Variants in DPP10 observed in about 807,000 individuals in gnomAD.
The protein encoded by DPP10 is dipeptidyl peptidase like 10.
In DPP10, 33 loss-of-function variants were observed where a neutral mutation model predicts 120.9. That is an observed-to-expected ratio of 0.27 (90% CI 0.21 to 0.37). The LOEUF (loss-of-function observed/expected upper bound fraction) is 0.37, where lower values mean the gene tolerates loss of function less well. DPP10 is among the 10% of genes least tolerant of loss of function. The pLI is 1.00. For synonymous variants in DPP10, 337 were observed against 326.1 expected, an observed-to-expected ratio of 1.03 and a Z score of -0.36; for missense variants, 816 against 942.8, an observed-to-expected ratio of 0.87 and a Z score of 1.76.
chr2:115,806,916 G>T (rs1194352037), intron 19 of DPP10, among the ~76,000 whole-genome samples: 1 of 152,006 alleles, frequency 6.6e-6, no homozygotes. Flanking sequence ...CTGCTGCATA[G>T]GAGAGTCACA....
At chr2:114,467,083 A>G (rs1679458202) in intron 1 of DPP10, among the ~76,000 whole-genome samples, 1 of 151,540 alleles carries the variant, frequency 6.6e-6, no homozygotes, top group Admixed American at 6.6e-5. Context: ...TTAGAGCCCT[A>G]CACTGACAGG....
intron 1 of DPP10, among the ~76,000 whole-genome samples, chr2:114,779,386 C>G (rs145233996): frequency 7.2e-5 from 11 of 152,180 alleles, no homozygotes; most frequent in Middle Eastern, 3.4e-3. Flanking sequence ...ATTAACAGAA[C>G]AAGAGCCAGC....
chr2:115,339,858 G>A (rs920867771), intron 2 of DPP10, among the ~76,000 whole-genome samples: 1 of 152,198 alleles, frequency 6.6e-6, no homozygotes, highest in African/African-American at 2.4e-5. Flanking sequence ...TGATGGAACT[G>A]TTCTTGACTG....
intron 3 of DPP10, among the ~76,000 whole-genome samples, chr2:115,431,544 T>C (rs963625906): frequency 6.6e-6 from 1 of 152,166 alleles, no homozygotes; most frequent in South Asian, 2.1e-4. Flanking sequence ...CAATGATCTC[T>C]GAGTGGGAAT....
intron 1 of DPP10, among the ~76,000 whole-genome samples, chr2:114,555,530 C>T (rs1297466389): frequency 6.6e-6 from 1 of 152,158 alleles, no homozygotes. Flanking sequence ...GAAAGTCTCT[C>T]TGAGGGATAG....
At chr2:115,512,573 A>AT (rs1412403505) in intron 4 of DPP10, among the ~76,000 whole-genome samples, 1 of 151,130 alleles carries the variant, frequency 6.6e-6, no homozygotes, top group Non-Finnish European at 1.5e-5. Context: ...TATATCATAA[A>AT]TTTTTGTATT....
intron 2 of DPP10, among the ~76,000 whole-genome samples, chr2:115,330,302 T>G (rs1260641962): frequency 3.9e-5 from 6 of 152,178 alleles, no homozygotes; most frequent in Non-Finnish European, 7.3e-5. Flanking sequence ...TCTTGTAAAT[T>G]TGTTTGAGTT....
intron 17 of DPP10, among the ~76,000 whole-genome samples, chr2:115,789,584 CCTT>C (rs1160848863): frequency 6.6e-6 from 1 of 152,270 alleles, no homozygotes; most frequent in African/African-American, 2.4e-5. Context: ...TGTTCTCACT[CCTT>C]CTGTGCAACA....
chr2:115,034,015 A>C (rs977042567), intron 1 of DPP10, among the ~76,000 whole-genome samples: 9 of 143,994 alleles, frequency 6.3e-5, no homozygotes, highest in Non-Finnish European at 1.3e-4. Flanking sequence ...CTTCTGCCTC[A>C]GCCTCCAGAA....
intron 2 of DPP10, among the ~76,000 whole-genome samples, chr2:115,338,588 G>T (rs536461090): frequency 6.6e-6 from 1 of 152,034 alleles, no homozygotes; most frequent in East Asian, 1.9e-4. Flanking sequence ...AGCCTCCCAA[G>T]CAGCTGGGAT....
intron 21 of DPP10, 36 bp downstream of exon 21, chr2:115,815,765 C>T (rs141833087): frequency 5.2e-5 from 81 of 1,555,402 alleles, no homozygotes; most frequent in African/African-American, 1.9e-4. Context: ...TCTTTTTATG[C>T]GTATCTATGT....
chr2:114,771,268 A>G (rs1441589565), intron 1 of DPP10, among the ~76,000 whole-genome samples: 1 of 152,220 alleles, frequency 6.6e-6, no homozygotes, highest in Non-Finnish European at 1.5e-5. Flanking sequence ...GACATTAGCC[A>G]TTAGCCCAAC....
chr2:114,909,902 C>T (rs1325610016), intron 1 of DPP10, among the ~76,000 whole-genome samples: 2 of 151,754 alleles, frequency 1.3e-5, no homozygotes, highest in African/African-American at 4.8e-5. Flanking sequence ...CCGCTATAAG[C>T]AAAAGTCAGC....
At position 115,836,250 on chromosome 2, in the gene DPP10, T is replaced by A. The variant is rs1252236508; in HGVS notation, c.2044T>A (p.Leu682Met). The change falls in exon 22 of 26, where the codon TTG (leucine) becomes ATG (methionine). Residue 682 changes from leucine (L) to methionine (M), a missense_variant. This residue lies in a region of DPP10 where 592 missense variants were observed against 649.0 expected (regional missense o/e 0.91). Transcript: ENST00000410059. ...GGTTGCACCTATCACAGACTTGAAA[T>A]TGTATGGTGAGTACTTTCTACAGAC... ...SVVAPITDLK[L>M]YASAFSERYL... is the part of the protein sequence containing the mutation. The A allele has an allele frequency of 6.2e-7, 1 of 1,604,680 alleles. No homozygotes were observed. The highest frequency in any genetic ancestry group is 2.2e-5 in the East Asian group (1 of 44,578).
At chr2:115,738,487 T>A (rs999289649) in intron 8 of DPP10, among the ~76,000 whole-genome samples, 1 of 152,108 alleles carries the variant, frequency 6.6e-6, no homozygotes, top group Non-Finnish European at 1.5e-5. Flanking sequence ...CCTTTGCCAC[T>A]CTCCATATGA....
chr2:114,933,753 T>C (rs1343415138), intron 1 of DPP10, among the ~76,000 whole-genome samples: 2 of 152,198 alleles, frequency 1.3e-5, no homozygotes, highest in African/African-American at 4.8e-5. Context: ...TCCATCAGAA[T>C]TGCCTTGGGG....
chr2:115,256,281 T>G (rs1271228530), intron 1 of DPP10, among the ~76,000 whole-genome samples: 2 of 152,200 alleles, frequency 1.3e-5, no homozygotes, highest in Non-Finnish European at 2.9e-5. Context: ...TCACTCACTA[T>G]CAAAAGAACA....
intron 1 of DPP10, among the ~76,000 whole-genome samples, chr2:115,035,278 C>T (rs1704149858): frequency 6.6e-6 from 1 of 152,216 alleles, no homozygotes. Flanking sequence ...ACACTTCCAT[C>T]CCTACCCCAG....
At chr2:114,902,389 G>T (rs75454409) in intron 1 of DPP10, among the ~76,000 whole-genome samples, 3 of 152,112 alleles carry the variant, frequency 2.0e-5, no homozygotes, top group Non-Finnish European at 4.4e-5. Context: ...ATTTAAAAAT[G>T]CAACAGTCTA....
Sources: gnomAD v4.1 joint callset for allele counts (sites outside exome capture counted in the v4.1 genomes callset) on GRCh38, gnomAD v4.1.1 for gene constraint, gnomAD v4.1.1 regional missense constraint, MANE v1.5 for transcripts, NCBI Gene and HGNC (gene_info 2026-07-23, HGNC 2026-07-21) for gene names.